Variants in CNOT6L observed in about 807,000 individuals in gnomAD.
CNOT6L encodes the protein CCR4-NOT transcription complex subunit 6-like.
Under a neutral mutation model 64.0 loss-of-function variants are expected in CNOT6L, and 7 were observed. That is an observed-to-expected ratio of 0.11 (90% CI 0.06 to 0.21). The LOEUF (loss-of-function observed/expected upper bound fraction) is 0.21. CNOT6L is among the 10% of genes least tolerant of loss of function. The probability of loss-of-function intolerance (pLI) is 1.00; values close to 1 mark genes in which losing one functional copy is unlikely to be tolerated. For synonymous variants in CNOT6L, 193 were observed against 243.4 expected, an observed-to-expected ratio of 0.79 and a Z score of 1.93; for missense variants, 245 against 669.0, an observed-to-expected ratio of 0.37 and a Z score of 6.99.
At chr4:77,784,561 G>A (rs1413843197) in intron 1 of CNOT6L, among the ~76,000 whole-genome samples, 1 of 150,150 alleles carries the variant, frequency 6.7e-6, no homozygotes, top group South Asian at 2.1e-4. Context: ...GCAGTGTGGT[G>A]CAGCCTCAAC....
At chr4:77,805,051 G>A (rs1732061271) in intron 1 of CNOT6L, among the ~76,000 whole-genome samples, 1 of 152,078 alleles carries the variant, frequency 6.6e-6, no homozygotes, top group African/African-American at 2.4e-5. Flanking sequence ...AGAAACCCAT[G>A]TATATAGAGG....
At chr4:77,750,444 C>A (rs567574945) in intron 5 of CNOT6L, among the ~76,000 whole-genome samples, 3 of 152,206 alleles carry the variant, frequency 2.0e-5, no homozygotes, top group African/African-American at 7.2e-5. Context: ...TTCCGCCTCC[C>A]GGGTTCACGC....
chr4:77,752,331 T>C (rs554678892), intron 5 of CNOT6L, among the ~76,000 whole-genome samples: 2 of 152,338 alleles, frequency 1.3e-5, no homozygotes, highest in African/African-American at 2.4e-5. Flanking sequence ...CATAGCTTTA[T>C]TGGTAATGAA....
chr4:77,774,866 T>G, intron 2 of CNOT6L, 150 bp from the exon 3 acceptor site: 1 of 536,490 alleles, frequency 1.9e-6, no homozygotes, highest in Non-Finnish European at 3.2e-6. Context: ...GCCATTTGAT[T>G]GCTTCCAAAC....
At chr4:77,776,776 T>G (rs1301708150) in intron 1 of CNOT6L, among the ~76,000 whole-genome samples, 6 of 152,178 alleles carry the variant, frequency 3.9e-5, no homozygotes, top group Non-Finnish European at 5.9e-5. Context: ...TATTCAGATA[T>G]CCCATGCCTA....
Position 77,804,379 on chromosome 4 carries a change from G to A in CNOT6L, c.5+14925C>T, listed in dbSNP as rs554969628. On this transcript the variant is annotated intron_variant, in intron 1 of 11. Coordinates refer to ENST00000504123, the MANE Select transcript of CNOT6L (RefSeq NM_144571.3). ...GGGAGGCGGAGGCTGTGGTGAACCG[G>A]TATCGTGCCACTGCACTCCAGCCTG... Among the ~76,000 whole-genome samples, 33 of 150,312 alleles carry A rather than the reference G, an allele frequency of 2.2e-4. No homozygotes were observed. The South Asian group carries it at 6.9e-3, about 31-fold the overall frequency.
intron 4 of CNOT6L, among the ~76,000 whole-genome samples, chr4:77,771,535 T>A (rs1727559450): frequency 6.6e-6 from 1 of 152,176 alleles, no homozygotes; most frequent in Admixed American, 6.5e-5. Flanking sequence ...CTTGGGTTAA[T>A]CCTCAATCCT....
At chr4:77,803,926 G>A (rs527274504) in intron 1 of CNOT6L, among the ~76,000 whole-genome samples, 19 of 151,818 alleles carry the variant, frequency 1.3e-4, no homozygotes, top group Admixed American at 1.1e-3. Context: ...AAAAGCGTGA[G>A]GTGTGGAAAT....
intron 1 of CNOT6L, among the ~76,000 whole-genome samples, chr4:77,793,270 A>G (rs1171409144): frequency 1.3e-5 from 2 of 152,176 alleles, no homozygotes; most frequent in Non-Finnish European, 2.9e-5. Context: ...GATGCTGAGA[A>G]GCAGACAGCT....
Position 77,792,680 on chromosome 4 carries a change from C to T in CNOT6L, c.6-16288G>A, listed in dbSNP as rs942190773. On this transcript the variant is annotated intron_variant, in intron 1 of 11. Transcript: ENST00000504123. ...GGCAGAGGTTGCAGTAAGCCAAGAT[C>T]GTGCCATTGCACTCCAGCCTGGGTG... Among the ~76,000 whole-genome samples the T allele has an allele frequency of 3.4e-5, 5 of 145,230 alleles. No individual in the cohort carries two copies. In the South Asian group the frequency reaches 6.7e-4, roughly 19 times the overall value.
intron 4 of CNOT6L, among the ~76,000 whole-genome samples, chr4:77,764,728 G>C (rs753321828): frequency 5.2e-4 from 79 of 152,110 alleles, no homozygotes; most frequent in Non-Finnish European, 1.0e-3. Flanking sequence ...ATTATGAATG[G>C]CTCTCAACAT....
chr4:77,759,082 A>G (rs1054091649), intron 4 of CNOT6L, among the ~76,000 whole-genome samples: 3 of 152,018 alleles, frequency 2.0e-5, no homozygotes, highest in Non-Finnish European at 2.9e-5. Flanking sequence ...AGCCAGAAAG[A>G]GAGATTAGAG....
At chr4:77,771,145 C>T (rs906044987) in intron 4 of CNOT6L, among the ~76,000 whole-genome samples, 1 of 152,046 alleles carries the variant, frequency 6.6e-6, no homozygotes, top group Non-Finnish European at 1.5e-5. Context: ...CATAGAGAAG[C>T]CCCGACTCTA....
intron 4 of CNOT6L, among the ~76,000 whole-genome samples, chr4:77,772,680 T>C (rs1004102881): frequency 2.6e-4 from 39 of 152,116 alleles, no homozygotes; most frequent in African/African-American, 8.9e-4. Context: ...ACCAGCACTT[T>C]GGGAGGCCGA....
At chr4:77,789,502 C>A (rs1479524432) in intron 1 of CNOT6L, among the ~76,000 whole-genome samples, 1 of 151,910 alleles carries the variant, frequency 6.6e-6, no homozygotes, top group Non-Finnish European at 1.5e-5. Context: ...CATGGCAAGA[C>A]CCTGTCTCTA....
chr4:77,810,248 A>C (rs955659608), intron 1 of CNOT6L, among the ~76,000 whole-genome samples: 1 of 152,126 alleles, frequency 6.6e-6, no homozygotes, highest in South Asian at 2.1e-4. Context: ...ATGGGAACAC[A>C]ATTAAAATTT....
rs117633064 is a variant in CNOT6L at position 77,815,541 on chromosome 4, A to G, written c.5+3763T>C. 3.3e-5 allele frequency among the ~76,000 whole-genome samples: 5 copies of G among 152,262 alleles called. No individual in the cohort carries two copies. The East Asian group carries it at 9.6e-4, about 29-fold the overall frequency. On this transcript the variant is annotated intron_variant, in intron 1 of 11. Transcript: ENST00000504123. Reference sequence around the variant, plus strand: ...CTAACTATCATAATTCACCTTTTGGATGTAATTTCATAAATATATGCTAAC... The same window carrying G: ...CTAACTATCATAATTCACCTTTTGGGTGTAATTTCATAAATATATGCTAAC...
intron 1 of CNOT6L, among the ~76,000 whole-genome samples, chr4:77,793,506 T>C (rs1420696165): frequency 6.6e-6 from 1 of 152,166 alleles, no homozygotes; most frequent in Non-Finnish European, 1.5e-5. Context: ...GGTGGCACAG[T>C]GGGATTTAAC....
intron 3 of CNOT6L, among the ~76,000 whole-genome samples, chr4:77,773,498 T>G (rs1258648137): frequency 6.6e-6 from 1 of 152,186 alleles, no homozygotes; most frequent in Non-Finnish European, 1.5e-5. Flanking sequence ...GCGACAGATA[T>G]CCTTAGCAGC....
Sources: allele counts gnomAD v4.1 joint callset (sites outside exome capture counted in the v4.1 genomes callset), GRCh38; gene constraint gnomAD v4.1.1; transcripts MANE v1.5; gene names NCBI Gene and HGNC (gene_info 2026-07-23, HGNC 2026-07-21).